The following PTK6 variants were observed in gnomAD, a reference collection of about 807,000 sequenced individuals.
The protein encoded by PTK6 is protein tyrosine kinase 6.
In PTK6, 47 loss-of-function variants were observed where a neutral mutation model predicts 47.5. That is an observed-to-expected ratio of 0.99 (90% CI 0.78 to 1.26). PTK6 has a LOEUF of 1.26. Ranked by LOEUF, PTK6 falls within the 50% of genes most tolerant of loss-of-function variation. The pLI is 0.00. For missense variants in PTK6, 618 were observed against 625.3 expected, an observed-to-expected ratio of 0.99 and a Z score of 0.12; for synonymous variants, 287 against 276.5, an observed-to-expected ratio of 1.04 and a Z score of -0.38.
chr20:63,530,331 G>T lies in PTK6; in HGVS notation c.1015-100C>A. On this transcript the variant is annotated intron_variant, in intron 6 of 7. Coordinates refer to ENST00000542869, the MANE Select transcript of PTK6 (RefSeq NM_005975.4). The surrounding 1 kb of genome is among the most constrained non-coding windows in gnomAD (Gnocchi z 4.1). ...GGCCGCATTGCCCCAGCAGTGGGAC[G>T]GTGATGACCCCACTGTCTGACCCAC... The T allele has an allele frequency of 6.9e-7, 1 of 1,449,980 alleles. No individual in the cohort carries two copies. Among genetic ancestry groups the T allele is most frequent in the Non-Finnish European group, 9.5e-7 (1 of 1,057,034 alleles). The allele number at this position is 1,449,980 out of a possible 1,614,324, so 89.8% of individuals were successfully genotyped here.
intron 2 of PTK6, 164 bp downstream of exon 2, chr20:63,534,759 GCCAGTGACCCAGGCC>G: frequency 1.0e-6 from 1 of 983,530 alleles, no homozygotes; most frequent in Non-Finnish European, 1.4e-6. Flanking sequence ...TACCCTAGCA[GCCAGTGACCCAGGCC>G]CCAGGGAGGA....
chr20:63,533,452 C>T lies in PTK6; in HGVS notation c.670+99G>A. ...CACTCTCGCATGGACGCTGTGGGTG[C>T]TGCTTGGGGCTCGAGGCCAGAGGTC... On this transcript the variant is annotated intron_variant, in intron 4 of 7. Transcript: ENST00000542869. The surrounding 1 kb of genome is among the most constrained non-coding windows in gnomAD (Gnocchi z 4.0). 7.2e-7 allele frequency: 1 copy of T among 1,388,702 alleles called. No individual in the cohort carries two copies. Among genetic ancestry groups the T allele is most frequent in the Non-Finnish European group, 9.7e-7 (1 of 1,033,948 alleles). The allele number at this position is 1,388,702 out of a possible 1,614,324, so 86.0% of individuals were successfully genotyped here.
Position 63,534,953 on chromosome 20 carries a change from C to CG in PTK6, c.336dup (p.Asp113ArgfsTer64). The CG allele has an allele frequency of 6.2e-7, 1 of 1,603,538 alleles. No homozygotes were observed. Among genetic ancestry groups the CG allele is most frequent in the Non-Finnish European group, 8.5e-7 (1 of 1,175,938 alleles). On this transcript the variant is annotated frameshift_variant, in exon 2 of 8. Transcript: ENST00000542869. LOFTEE classifies it high-confidence loss of function. ...GGGGCCGCACCCGACAGGACGTAGT[C>CG]GGCACTCGGCTTCTCGCTGACCCTG...
chr20:63,529,983 C>A lies in PTK6; in HGVS notation c.1168+95G>T, dbSNP rs1433773087. Reference sequence around the variant, plus strand: ...CGATGGCCCGCGGAGGGCCCTGAAGCCCGTGGGGGAGGCACCCCCCAGCGT... The same window carrying A: ...CGATGGCCCGCGGAGGGCCCTGAAGACCGTGGGGGAGGCACCCCCCAGCGT... On this transcript the variant is annotated intron_variant, in intron 7 of 7. Transcript: ENST00000542869. The surrounding 1 kb of genome is among the most constrained non-coding windows in gnomAD (Gnocchi z 5.6). 5 of 1,469,392 alleles carry A rather than the reference C, an allele frequency of 3.4e-6. No homozygotes were observed. The highest frequency in any genetic ancestry group is 2.8e-5 in the African/African-American group (2 of 70,804). 91.0% of individuals were successfully genotyped at this position (1,469,392 alleles called of 1,614,324 possible). A position where few individuals can be genotyped will look rare whatever the true frequency, so the allele number is the denominator to read the frequency against.
In PTK6 at chr20:63,537,105, C is replaced by T. The variant is rs751257798; in HGVS notation, c.210G>A (p.Arg70=). 49 of 1,610,154 alleles carry T rather than the reference C, an allele frequency of 3.0e-5. No individual in the cohort carries two copies. Among genetic ancestry groups the T allele is most frequent in the Middle Eastern group, 1.6e-4 (1 of 6,078 alleles). ...GYVPHNYLAE[R]ETVESEPWFF... is the part of the protein sequence containing the mutation. ...CGCACGGTTCCGACTCCACCGTCTC[C>T]CTCTCGGCCAGGTAGTTGTGGGGCA... The change falls in exon 1 of 8, where the codon AGG becomes AGA. Residue 70 remains arginine, a synonymous_variant. Coordinates refer to ENST00000542869, the MANE Select transcript of PTK6 (RefSeq NM_005975.4).
In PTK6 at chr20:63,534,227, G is replaced by T. The variant is rs2082646976; in HGVS notation, c.441C>A (p.Ser147Arg). 6.2e-7 allele frequency: 1 copy of T among 1,601,548 alleles called. No homozygotes were observed. Among genetic ancestry groups the T allele is most frequent in the Admixed American group, 1.7e-5 (1 of 58,700 alleles). The change falls in exon 3 of 8, where the codon AGC becomes AGA. Residue 147 changes from serine (S) to arginine (R), a missense_variant. By Grantham distance (110) the Ser-to-Arg change is moderately radical. Coordinates refer to ENST00000542869, the MANE Select transcript of PTK6 (RefSeq NM_005975.4). ...LHLNEAVSFL[S>R]LPELVNYHRA... ...TGTGGTAGTTCACAAGCTCGGGCAG[G>T]CTGAGGAAGGACACCGCCTCGTTCA...
At position 63,533,447 on chromosome 20, in the gene PTK6, G is replaced by A; in HGVS notation, c.670+104C>T. On this transcript the variant is annotated intron_variant, in intron 4 of 7. Transcript: ENST00000542869. This position sits in a 1 kb window ranked among gnomAD's most constrained non-coding sequence, Gnocchi z 4.0. ...GGAACCACTCTCGCATGGACGCTGT[G>A]GGTGCTGCTTGGGGCTCGAGGCCAG... 1 of 1,348,326 alleles carries A rather than the reference G, an allele frequency of 7.4e-7. No homozygotes were observed. The highest frequency in any genetic ancestry group is 1.0e-6 in the Non-Finnish European group (1 of 998,444). The allele number at this position is 1,348,326 out of a possible 1,614,324, so 83.5% of individuals were successfully genotyped here.
rs543950802 is a variant in PTK6, at chr20:63,532,295, TTG to T, written c.832+229_832+230del. 4.9e-4 allele frequency among the ~76,000 whole-genome samples: 61 copies of T among 124,786 alleles called. 1 individual carries two copies. Among genetic ancestry groups the T allele is most frequent in the East Asian group, 3.3e-3 (17 of 5,136 alleles). The allele number at this position is 124,786 out of a possible 152,430, so 81.9% of individuals were successfully genotyped here. A position where few individuals can be genotyped will look rare whatever the true frequency, so the allele number is the denominator to read the frequency against. ...GTCTGTGTGTGTCATGTGATGTGTC[TTG>T]TGTGTGTGTCTGTGTGTGCATGTGT... is the stretch of plus-strand genomic sequence containing the variant. On this transcript the variant is annotated intron_variant, in intron 5 of 7. Coordinates refer to ENST00000542869, the MANE Select transcript of PTK6 (RefSeq NM_005975.4).
chr20:63,532,735 C>T, intron 4 of PTK6, 48 bp from the exon 5 acceptor site: 1 of 1,594,792 alleles, frequency 6.3e-7, no homozygotes, highest in Non-Finnish European at 8.5e-7. Flanking sequence ...ACCCCCCAGG[C>T]CCCAAGGAAG....
chr20:63,534,683 G>T (rs905155349), intron 2 of PTK6, among the ~76,000 whole-genome samples: 1 of 152,044 alleles, frequency 6.6e-6, no homozygotes, highest in Admixed American at 6.5e-5. Flanking sequence ...GACCTCCCAC[G>T]AGTGCCTCGG....
intron 2 of PTK6, among the ~76,000 whole-genome samples, chr20:63,534,546 G>C (rs534343720): frequency 5.2e-4 from 79 of 152,286 alleles, no homozygotes; most frequent in Middle Eastern, 3.4e-3. Flanking sequence ...AGTGGCCTCC[G>C]CCTGGATGGC....
Position 63,529,602 on chromosome 20 carries a change from C to T in PTK6, c.1290G>A (p.Gln430=), listed in dbSNP as rs1252948466. 6.4e-7 allele frequency: 1 copy of T among 1,564,506 alleles called. No individual in the cohort carries two copies. Among genetic ancestry groups the T allele is most frequent in the South Asian group, 1.2e-5 (1 of 85,122 alleles). Residue 430 remains glutamine (Q), a synonymous_variant, in exon 8 of 8, where the codon CAG becomes CAA. Coordinates refer to ENST00000542869, the MANE Select transcript of PTK6 (RefSeq NM_005975.4). The surrounding 1 kb of genome is among the most constrained non-coding windows in gnomAD (Gnocchi z 5.6). ...MLTCWCRDPE[Q]RPCFKALRER... is the part of the protein sequence containing the mutation. ...CCCGCAGGGCCTTGAAGCAGGGTCT[C>T]TGCTCGGGGTCCCTGCACCAGCATG...
chr20:63,532,305 GTC>G (rs2082629019), intron 5 of PTK6, among the ~76,000 whole-genome samples: 2 of 141,030 alleles, frequency 1.4e-5, no homozygotes, highest in African/African-American at 6.4e-5. Context: ...TTGTGTGTGT[GTC>G]TGTGTGTGCA....
rs772094056 is a variant in PTK6 at position 63,534,899 on chromosome 20, C to A, written c.352+39G>T. 87 of 1,564,760 alleles carry A rather than the reference C, an allele frequency of 5.6e-5. No homozygotes were observed. In the East Asian group the frequency reaches 2.0e-3, roughly 36 times the overall value. ...GCTGGGAGGGCTTAGAGCCAGGAGC[C>A]CCCGCAGGCAAGCACAGGCTCGGAG... On this transcript the variant is annotated intron_variant, in intron 2 of 7. Transcript: ENST00000542869.
At position 63,530,210 on chromosome 20, in the gene PTK6, C is replaced by A; in HGVS notation, c.1036G>T (p.Asp346Tyr). 6.2e-7 allele frequency: 1 copy of A among 1,613,980 alleles called. No individual in the cohort carries two copies. Among genetic ancestry groups the A allele is most frequent in the South Asian group, 1.1e-5 (1 of 91,066 alleles). ...LIKEDVYLSH[D>Y]HNIPYKWTAP... is the part of the protein sequence containing the mutation. ...GTCCACTTGTAGGGGATATTGTGGT[C>A]ATGGGAGAGGTAGACGTCCTCCTGC... Residue 346 changes from aspartate (D) to tyrosine (Y), a missense_variant, in exon 7 of 8, where the codon GAC becomes TAC. By Grantham distance (160) the Asp-to-Tyr change is radical. Transcript: ENST00000542869. This position sits in a 1 kb window ranked among gnomAD's most constrained non-coding sequence, Gnocchi z 4.1.
rs1260145053 is a variant in PTK6, at chr20:63,533,192, C to T, written c.670+359G>A. Among the ~76,000 whole-genome samples the T allele has an allele frequency of 4.6e-5, 7 of 151,938 alleles. No individual in the cohort carries two copies. The highest frequency in any genetic ancestry group is 2.1e-4 in the South Asian group (1 of 4,816). ...AAGCGATTCTCCTGCCTCAGCCTCCCGAGTAGCTGGGACTACAGGCACATG... is the reference window on the plus strand; with the variant it reads ...AAGCGATTCTCCTGCCTCAGCCTCCTGAGTAGCTGGGACTACAGGCACATG... On this transcript the variant is annotated intron_variant, in intron 4 of 7. Transcript: ENST00000542869. The surrounding 1 kb of genome is among the most constrained non-coding windows in gnomAD (Gnocchi z 4.0).
In PTK6 at chr20:63,529,668, G is replaced by T; in HGVS notation, c.1224C>A (p.Cys408Ter). 6.5e-7 allele frequency: 1 copy of T among 1,546,950 alleles called. No homozygotes were observed. Among genetic ancestry groups the T allele is most frequent in the Non-Finnish European group, 8.7e-7 (1 of 1,145,960 alleles). ...LRVDAGYRMP[C>*]PLECPPSVHK... ...GCACGCTGGGCGGGCACTCCAGAGG[G>T]CAGGGCATGCGGTAGCCGGCGTCCA... Residue 408 changes from cysteine (C) to a stop codon, truncating the protein, a stop_gained, in exon 8 of 8, where the codon TGC becomes TGA. Coordinates refer to ENST00000542869, the MANE Select transcript of PTK6 (RefSeq NM_005975.4). LOFTEE classifies it low-confidence loss of function (END_TRUNC). The surrounding 1 kb of genome is among the most constrained non-coding windows in gnomAD (Gnocchi z 5.6).
chr20:63,535,527 G>A (rs921571416), intron 1 of PTK6, among the ~76,000 whole-genome samples: 15 of 152,158 alleles, frequency 9.9e-5, no homozygotes, highest in South Asian at 2.1e-4. Context: ...AGCCACTCGC[G>A]CGCACTAACT....
chr20:63,537,243 G>A lies in PTK6; in HGVS notation c.72C>T (p.Asp24=), dbSNP rs758695104. ...VGLWDFKSRT[D]EELSFRAGDV... ...CCCCCGCGCGGAAGCTCAGCTCCTCGTCCGTCCGGGACTTGAAGTCCCAGA... is the reference window on the plus strand; with the variant it reads ...CCCCCGCGCGGAAGCTCAGCTCCTCATCCGTCCGGGACTTGAAGTCCCAGA... The change falls in exon 1 of 8, where the codon GAC becomes GAT. Residue 24 remains aspartate, a synonymous_variant. Transcript: ENST00000542869. The A allele has an allele frequency of 8.7e-6, 14 of 1,612,256 alleles. No homozygotes were observed. Among genetic ancestry groups the A allele is most frequent in the Middle Eastern group, 1.6e-4 (1 of 6,082 alleles).
Sources: gnomAD v4.1 joint callset for allele counts (sites outside exome capture counted in the v4.1 genomes callset) on GRCh38, gnomAD v4.1.1 for gene constraint, Gnocchi (gnomAD v3.1) non-coding constraint, MANE v1.5 for transcripts, NCBI Gene and HGNC (gene_info 2026-07-23, HGNC 2026-07-21) for gene names.